DLGAP4: variants seen among roughly 807,000 people sequenced by gnomAD.
The protein encoded by DLGAP4 is DLG associated protein 4.
DLGAP4 carries 18 observed loss-of-function variants against 86.9 expected under a neutral mutation model. The ratio of observed to expected loss-of-function variants is 0.21; its 90% confidence interval spans 0.14 to 0.31. The LOEUF (loss-of-function observed/expected upper bound fraction) is 0.31. Ranked by LOEUF, DLGAP4 falls within the 10% of genes least tolerant of loss-of-function variation. The probability of loss-of-function intolerance (pLI) is 1.00; values close to 1 mark genes in which losing one functional copy is unlikely to be tolerated. For missense variants in DLGAP4, 1,085 were observed against 1,362.6 expected (o/e 0.80, Z 3.21); for synonymous variants, 548 against 574.3 (o/e 0.95, Z 0.65).
At chr20:36,439,696 CA>C (rs2033390563) in intron 4 of DLGAP4, 57 bp from the exon 5 acceptor site, 1 of 1,509,580 alleles carries the variant, frequency 6.6e-7, no homozygotes. Flanking sequence ...TCAAGGCCTC[CA>C]AAAGCTGGGT....
At chr20:36,375,863 C>A (rs1435987563) in intron 2 of DLGAP4, among the ~76,000 whole-genome samples, 1 of 152,026 alleles carries the variant, frequency 6.6e-6, no homozygotes, top group Non-Finnish European at 1.5e-5. Context: ...TGAACTTGAC[C>A]CTTAAGGTAA....
intron 6 of DLGAP4, among the ~76,000 whole-genome samples, chr20:36,445,482 A>G (rs2033567223): frequency 6.6e-6 from 1 of 152,156 alleles, no homozygotes; most frequent in African/African-American, 2.4e-5. Flanking sequence ...TCAGCCTGGG[A>G]GACAAAGCGA....
chr20:36,386,520 A>T (rs555158588), intron 2 of DLGAP4, among the ~76,000 whole-genome samples: 2 of 152,200 alleles, frequency 1.3e-5, no homozygotes, highest in Admixed American at 6.5e-5. Context: ...AAATACTAAA[A>T]GGCATTCCAT....
intron 2 of DLGAP4, among the ~76,000 whole-genome samples, chr20:36,394,631 C>T (rs946490739): frequency 9.2e-5 from 14 of 152,248 alleles, no homozygotes; most frequent in Admixed American, 8.5e-4. Context: ...CCCACGCTGT[C>T]GCCATGGAGA....
intron 1 of DLGAP4, among the ~76,000 whole-genome samples, chr20:36,338,139 C>T (rs1555892229): frequency 6.6e-6 from 1 of 152,196 alleles, no homozygotes; most frequent in Non-Finnish European, 1.5e-5. Context: ...GCTTCTTAAG[C>T]TGTGTGTGAC....
intron 8 of DLGAP4, chr20:36,497,397 C>A: frequency 8.6e-7 from 1 of 1,161,564 alleles, no homozygotes; most frequent in Non-Finnish European, 1.1e-6. Flanking sequence ...CTTTGCCCTG[C>A]CAGCTGACCC....
chr20:36,307,741 A>ACCT (rs2065018325), intron 1 of DLGAP4, among the ~76,000 whole-genome samples: 1 of 151,044 alleles, frequency 6.6e-6, no homozygotes, highest in African/African-American at 2.4e-5. Flanking sequence ...CCTCCACTGC[A>ACCT]CCTCCTCTCC....
intron 2 of DLGAP4, among the ~76,000 whole-genome samples, chr20:36,383,236 C>G (rs1442853816): frequency 1.3e-5 from 2 of 152,130 alleles, no homozygotes; most frequent in African/African-American, 2.4e-5. Context: ...ACTTTGAGAC[C>G]ATGTGGGCAG....
intron 2 of DLGAP4, among the ~76,000 whole-genome samples, chr20:36,430,152 T>G (rs1444953726): frequency 5.3e-5 from 8 of 152,188 alleles, no homozygotes; most frequent in Non-Finnish European, 1.2e-4. Flanking sequence ...GGACTAGTAT[T>G]TCCAGGATGT....
Position 36,329,856 on chromosome 20 carries a change from C to T in DLGAP4, c.-304+23344C>T, listed in dbSNP as rs147589934. ...GACCAGCCTGGCCAACATGGTGAAA[C>T]CCCATCTCTACTGAAAATACAAAAA... is the stretch of plus-strand genomic sequence containing the variant. On this transcript the variant is annotated intron_variant, in intron 1 of 12. Coordinates refer to ENST00000339266, the MANE Select transcript of DLGAP4 (RefSeq NM_001365621.2). 7.8e-4 allele frequency among the ~76,000 whole-genome samples: 119 copies of T among 152,286 alleles called. 1 individual carries two copies. In the East Asian group the frequency reaches 0.021, roughly 27 times the overall value.
At chr20:36,408,565 C>A (rs573923366) in intron 2 of DLGAP4, among the ~76,000 whole-genome samples, 1 of 152,158 alleles carries the variant, frequency 6.6e-6, no homozygotes, top group Non-Finnish European at 1.5e-5. Context: ...ATTGCCTTTG[C>A]GGGAAGAGGG....
At chr20:36,496,253 A>G (rs1372482761) in intron 7 of DLGAP4, among the ~76,000 whole-genome samples, 1 of 152,008 alleles carries the variant, frequency 6.6e-6, no homozygotes, top group African/African-American at 2.4e-5. Flanking sequence ...GTGGAAGGAA[A>G]AGACCAGGGG....
At chr20:36,525,827 C>A in intron 11 of DLGAP4, 24 bp from the exon 12 acceptor site, 2 of 1,611,018 alleles carry the variant, frequency 1.2e-6, no homozygotes, top group Non-Finnish European at 1.7e-6. Flanking sequence ...GAGCTGGCCC[C>A]ACTGATCCCC....
chr20:36,360,055 A>T (rs2030464617), intron 1 of DLGAP4, among the ~76,000 whole-genome samples: 1 of 152,220 alleles, frequency 6.6e-6, no homozygotes, highest in Non-Finnish European at 1.5e-5. Context: ...GAATACAAGG[A>T]GTCATAGCAG....
chr20:36,526,679 A>G, intron 12 of DLGAP4, 134 bp from the exon 13 acceptor site: 1 of 785,236 alleles, frequency 1.3e-6, no homozygotes, highest in Non-Finnish European at 2.0e-6. Flanking sequence ...CCTGATTCCA[A>G]GTGTGTGTTG....
intron 2 of DLGAP4, among the ~76,000 whole-genome samples, chr20:36,376,307 T>TA (rs1251151015): frequency 1.3e-5 from 2 of 152,000 alleles, no homozygotes; most frequent in Admixed American, 6.6e-5. Context: ...CCATTTCTAC[T>TA]AAAAAATACA....
intron 1 of DLGAP4, among the ~76,000 whole-genome samples, chr20:36,366,446 C>T (rs559526877): frequency 1.3e-4 from 20 of 152,292 alleles, no homozygotes; most frequent in South Asian, 4.1e-4. Flanking sequence ...GGCTTCCCTC[C>T]GCTCTCACAC....
At chr20:36,506,428 A>G (rs1421365671) in intron 10 of DLGAP4, among the ~76,000 whole-genome samples, 2 of 152,336 alleles carry the variant, frequency 1.3e-5, no homozygotes, top group East Asian at 3.9e-4. Flanking sequence ...GCAGTTGAAC[A>G]TGAACTCTAG....
chr20:36,422,200 G>A (rs987328145), intron 2 of DLGAP4, among the ~76,000 whole-genome samples: 16 of 152,144 alleles, frequency 1.1e-4, no homozygotes, highest in Non-Finnish European at 2.9e-5. Flanking sequence ...AGAGGTCTAA[G>A]GCAGAGAATG....
Sources: allele counts gnomAD v4.1 joint callset (sites outside exome capture counted in the v4.1 genomes callset), GRCh38; gene constraint gnomAD v4.1.1; transcripts MANE v1.5; gene names NCBI Gene and HGNC (gene_info 2026-07-23, HGNC 2026-07-21).